AGPAT4: variants seen among roughly 807,000 people sequenced by gnomAD.
AGPAT4 encodes the protein 1-acylglycerol-3-phosphate O-acyltransferase 4.
A neutral mutation model predicts 48.0 loss-of-function variants in AGPAT4; 15 were observed. The observed-to-expected ratio is 0.31, with a 90% CI of 0.21 to 0.48. The LOEUF (loss-of-function observed/expected upper bound fraction) is 0.48. AGPAT4 is among the 20% of genes least tolerant of loss of function. The probability of loss-of-function intolerance (pLI) is 0.99; values close to 1 mark genes in which losing one functional copy is unlikely to be tolerated. For synonymous variants in AGPAT4, 178 were observed against 198.7 expected (o/e 0.90, Z 0.88); for missense variants, 314 against 482.5 (o/e 0.65, Z 3.27).
intron 2 of AGPAT4, among the ~76,000 whole-genome samples, chr6:161,179,950 A>G (rs1459982931): frequency 2.0e-5 from 3 of 152,162 alleles, no homozygotes; most frequent in African/African-American, 4.8e-5. Flanking sequence ...TTTGACTCCA[A>G]AACAAAATAA....
intron 1 of AGPAT4, among the ~76,000 whole-genome samples, chr6:161,241,133 G>C (rs1347098008): frequency 1.3e-5 from 2 of 151,716 alleles, no homozygotes; most frequent in African/African-American, 4.8e-5. Context: ...CGTGGTGGCA[G>C]GCACCTGTAA....
rs1779820046 is a variant in AGPAT4 at position 161,158,349 on chromosome 6, A to G, written c.349-4039T>C. 6.6e-6 allele frequency among the ~76,000 whole-genome samples: 1 copy of G among 152,182 alleles called. No individual in the cohort carries two copies. The highest frequency in any genetic ancestry group is 6.5e-5 in the Admixed American group (1 of 15,282). ...GAGAGAATGTACAAGAAAATATACT[A>G]ATTTCATCAATTCTGGATTTATTTC... On this transcript the variant is annotated intron_variant, in intron 3 of 8. Transcript: ENST00000320285. The surrounding 1 kb of genome is among the most constrained non-coding windows in gnomAD (Gnocchi z 5.3).
At position 161,243,695 on chromosome 6, in the gene AGPAT4, G is replaced by C. The variant is rs934607893; in HGVS notation, c.-89-11393C>G. ...AGTCGAAGCCCCTGCCTCTCTCCCG[G>C]GCTGACCGGTCTCCTCCTTCCCTTG... On this transcript the variant is annotated intron_variant, in intron 1 of 8. Transcript: ENST00000320285. This position sits in a 1 kb window ranked among gnomAD's most constrained non-coding sequence, Gnocchi z 4.8. 1.3e-5 allele frequency among the ~76,000 whole-genome samples: 2 copies of C among 152,094 alleles called. No individual in the cohort carries two copies. The highest frequency in any genetic ancestry group is 2.9e-5 in the Non-Finnish European group (2 of 68,014).
At position 161,158,466 on chromosome 6, in the gene AGPAT4, G is replaced by A. The variant is rs1474915; in HGVS notation, c.349-4156C>T. Among the ~76,000 whole-genome samples the A allele has an allele frequency of 0.053, 8,133 of 152,284 alleles. 217 individuals are homozygous for A. The highest frequency in any genetic ancestry group is 0.063 in the Non-Finnish European group (4,278 of 68,020). Reference sequence around the variant, plus strand: ...TATTTAGACAATCTAAAATTTTCACGTGGAGTAAACCACTATGGAGAGAGA... The same window carrying A: ...TATTTAGACAATCTAAAATTTTCACATGGAGTAAACCACTATGGAGAGAGA... On this transcript the variant is annotated intron_variant, in intron 3 of 8. Transcript: ENST00000320285. The surrounding 1 kb of genome is among the most constrained non-coding windows in gnomAD (Gnocchi z 5.3).
At position 161,196,976 on chromosome 6, in the gene AGPAT4, C is replaced by G. The variant is rs528277344; in HGVS notation, c.179-30559G>C. Among the ~76,000 whole-genome samples the G allele has an allele frequency of 6.6e-6, 1 of 152,110 alleles. No homozygotes were observed. Among genetic ancestry groups the G allele is most frequent in the Non-Finnish European group, 1.5e-5 (1 of 68,020 alleles). ...AGGCACTGGGGAAGTCAGCTGTGAA[C>G]AAGAGGCAAAGTCTGTGTCCTCTTG... On this transcript the variant is annotated intron_variant, in intron 2 of 8. Coordinates refer to ENST00000320285, the MANE Select transcript of AGPAT4 (RefSeq NM_020133.3). This position sits in a 1 kb window ranked among gnomAD's most constrained non-coding sequence, Gnocchi z 4.3.
In AGPAT4 at chr6:161,164,167, C is replaced by T. The variant is rs1477270420; in HGVS notation, c.348+2081G>A. On this transcript the variant is annotated intron_variant, in intron 3 of 8. Transcript: ENST00000320285. The surrounding 1 kb of genome is among the most constrained non-coding windows in gnomAD (Gnocchi z 7.4). Reference sequence around the variant, plus strand: ...AAGCCTTTGGGAGCAAAACCCTAAACGGTGCTGAGATTAAATTCCCGCTCC... The same window carrying T: ...AAGCCTTTGGGAGCAAAACCCTAAATGGTGCTGAGATTAAATTCCCGCTCC... Among the ~76,000 whole-genome samples, 5 of 152,172 alleles carry T rather than the reference C, an allele frequency of 3.3e-5. No individual in the cohort carries two copies. The highest frequency in any genetic ancestry group is 7.2e-5 in the African/African-American group (3 of 41,426).
chr6:161,195,371 G>T lies in AGPAT4; in HGVS notation c.179-28954C>A, dbSNP rs1276830490. 6.6e-6 allele frequency among the ~76,000 whole-genome samples: 1 copy of T among 152,130 alleles called. No individual in the cohort carries two copies. Among genetic ancestry groups the T allele is most frequent in the Non-Finnish European group, 1.5e-5 (1 of 68,028 alleles). On this transcript the variant is annotated intron_variant, in intron 2 of 8. Transcript: ENST00000320285. The surrounding 1 kb of genome is among the most constrained non-coding windows in gnomAD (Gnocchi z 5.0). ...ACAAGCACTGCAGGACAACCATTGG[G>T]CGGGTTATAAACACCTTTCATTATA...
chr6:161,267,581 G>C lies in AGPAT4; in HGVS notation c.-90+6357C>G, dbSNP rs1459326573. Among the ~76,000 whole-genome samples the C allele has an allele frequency of 6.6e-6, 1 of 152,018 alleles. No homozygotes were observed. Among genetic ancestry groups the C allele is most frequent in the African/African-American group, 2.4e-5 (1 of 41,380 alleles). On this transcript the variant is annotated intron_variant, in intron 1 of 8. Coordinates refer to ENST00000320285, the MANE Select transcript of AGPAT4 (RefSeq NM_020133.3). This position sits in a 1 kb window ranked among gnomAD's most constrained non-coding sequence, Gnocchi z 5.2. ...ATACACACGCAAAAAAATTAGCCAG[G>C]TGTGGTGGCGCACCCCTATAGTCCC...
At position 161,221,497 on chromosome 6, in the gene AGPAT4, G is replaced by C. The variant is rs943781858; in HGVS notation, c.178+10539C>G. Among the ~76,000 whole-genome samples the C allele has an allele frequency of 1.3e-5, 2 of 152,204 alleles. No homozygotes were observed. Among genetic ancestry groups the C allele is most frequent in the Non-Finnish European group, 2.9e-5 (2 of 68,038 alleles). On this transcript the variant is annotated intron_variant, in intron 2 of 8. Transcript: ENST00000320285. This position sits in a 1 kb window ranked among gnomAD's most constrained non-coding sequence, Gnocchi z 4.5. ...AAAGGAGAAAAAGGGAGAGGAGAGA[G>C]AAATAGATACCATATTAATGTGTCA...
In AGPAT4 at chr6:161,184,513, T is replaced by C. The variant is rs555069074; in HGVS notation, c.179-18096A>G. The stretch of plus-strand genomic sequence containing the variant: ...AACACATCAGTCATCCTTGGCTTAG[T>C]GGTAGGTTCTCGTGATGTTCTGTGT... On this transcript the variant is annotated intron_variant, in intron 2 of 8. Coordinates refer to ENST00000320285, the MANE Select transcript of AGPAT4 (RefSeq NM_020133.3). The surrounding 1 kb of genome is among the most constrained non-coding windows in gnomAD (Gnocchi z 4.8). 4.2e-4 allele frequency among the ~76,000 whole-genome samples: 64 copies of C among 152,084 alleles called. No individual in the cohort carries two copies. The highest frequency in any genetic ancestry group is 1.4e-3 in the African/African-American group (60 of 41,466).
At chr6:161,207,573 CAG>C (rs1781409621) in intron 2 of AGPAT4, among the ~76,000 whole-genome samples, 3 of 152,234 alleles carry the variant, frequency 2.0e-5, no homozygotes, top group Admixed American at 2.0e-4. Flanking sequence ...GAGCCCTAGA[CAG>C]AGATCCCTCC....
In AGPAT4 at chr6:161,201,065, C is replaced by T. The variant is rs13194878; in HGVS notation, c.178+30971G>A. 0.057 allele frequency among the ~76,000 whole-genome samples: 8,632 copies of T among 152,194 alleles called. 361 individuals are homozygous for T. Among genetic ancestry groups the T allele is most frequent in the Non-Finnish European group, 0.077 (5,251 of 68,006 alleles). On this transcript the variant is annotated intron_variant, in intron 2 of 8. Transcript: ENST00000320285. The surrounding 1 kb of genome is among the most constrained non-coding windows in gnomAD (Gnocchi z 6.0). ...CCTGCCACCACGATTACAGCTCAGC[C>T]GAGGAAGTCATCATGAGCCGTGCGG...
rs1323524726 is a variant in AGPAT4 at position 161,238,008 on chromosome 6, T to C, written c.-89-5706A>G. Among the ~76,000 whole-genome samples the C allele has an allele frequency of 7.2e-6, 1 of 139,052 alleles. No individual in the cohort carries two copies. The highest frequency in any genetic ancestry group is 1.5e-5 in the Non-Finnish European group (1 of 65,582). The allele number at this position is 139,052 out of a possible 152,430, so 91.2% of individuals were successfully genotyped here. On this transcript the variant is annotated intron_variant, in intron 1 of 8. Coordinates refer to ENST00000320285, the MANE Select transcript of AGPAT4 (RefSeq NM_020133.3). This position sits in a 1 kb window ranked among gnomAD's most constrained non-coding sequence, Gnocchi z 5.2. Reference sequence around the variant, plus strand: ...ACCAGACAAGAGAAATTCTGAAATGTGCAGGCAACGCGAGACCACCTGGAA... The same window carrying C: ...ACCAGACAAGAGAAATTCTGAAATGCGCAGGCAACGCGAGACCACCTGGAA...
At position 161,262,305 on chromosome 6, in the gene AGPAT4, G is replaced by A. The variant is rs1783126109; in HGVS notation, c.-90+11633C>T. Among the ~76,000 whole-genome samples, 1 of 152,262 alleles carries A rather than the reference G, an allele frequency of 6.6e-6. No individual in the cohort carries two copies. The highest frequency in any genetic ancestry group is 2.1e-4 in the South Asian group (1 of 4,826). On this transcript the variant is annotated intron_variant, in intron 1 of 8. Transcript: ENST00000320285. This position sits in a 1 kb window ranked among gnomAD's most constrained non-coding sequence, Gnocchi z 4.9. ...GATCCTCATGTGCAGGCAATGTTGA[G>A]AACATGGGTTAGACTCTGCTGCCAG...
rs1781131073 is a variant in AGPAT4 at position 161,198,520 on chromosome 6, G to C, written c.179-32103C>G. Among the ~76,000 whole-genome samples the C allele has an allele frequency of 6.6e-6, 1 of 152,250 alleles. No individual in the cohort carries two copies. The highest frequency in any genetic ancestry group is 2.1e-4 in the South Asian group (1 of 4,834). ...AGAAACCTGTCTTACGGCCATGACA[G>C]TGAGAAAAATAAACCAGGTGGCAAA... On this transcript the variant is annotated intron_variant, in intron 2 of 8. Transcript: ENST00000320285. This position sits in a 1 kb window ranked among gnomAD's most constrained non-coding sequence, Gnocchi z 4.3.
chr6:161,219,868 TAGATAGGCAGGC>T lies in AGPAT4; in HGVS notation c.178+12156_178+12167del, dbSNP rs1390286447. Among the ~76,000 whole-genome samples the T allele has an allele frequency of 1.1e-3, 124 of 109,746 alleles. No homozygotes were observed. The highest frequency in any genetic ancestry group is 2.5e-3 in the South Asian group (8 of 3,264). The allele number at this position is 109,746 out of a possible 152,430, so 72.0% of individuals were successfully genotyped here. A position where few individuals can be genotyped will look rare whatever the true frequency, so the allele number is the denominator to read the frequency against. On this transcript the variant is annotated intron_variant, in intron 2 of 8. Coordinates refer to ENST00000320285, the MANE Select transcript of AGPAT4 (RefSeq NM_020133.3). This position sits in a 1 kb window ranked among gnomAD's most constrained non-coding sequence, Gnocchi z 4.9. The stretch of plus-strand genomic sequence containing the variant: ...ATAGATAGATAGATAGATAGATAGA[TAGATAGGCAGGC>T]AGGCAGGCAGGCAGGCAGGCAGGCA...
At position 161,178,487 on chromosome 6, in the gene AGPAT4, A is replaced by G. The variant is rs1780491163; in HGVS notation, c.179-12070T>C. 6.6e-6 allele frequency among the ~76,000 whole-genome samples: 1 copy of G among 152,198 alleles called. No homozygotes were observed. ...TTTGCTAAGACCGTTGGAAAAGCGC[A>G]GTATTAGGGTGGGAGTGAACCAATT... On this transcript the variant is annotated intron_variant, in intron 2 of 8. Coordinates refer to ENST00000320285, the MANE Select transcript of AGPAT4 (RefSeq NM_020133.3). This position sits in a 1 kb window ranked among gnomAD's most constrained non-coding sequence, Gnocchi z 5.1.
intron 1 of AGPAT4, among the ~76,000 whole-genome samples, chr6:161,247,928 G>A (rs902376507): frequency 1.4e-5 from 2 of 140,194 alleles, no homozygotes; most frequent in Non-Finnish European, 3.0e-5. Context: ...GTTGCAGAGA[G>A]CTGAGATTGT....
rs1240794684 is a variant in AGPAT4, at chr6:161,147,661, C to A, written c.768-1062G>T. 6.6e-6 allele frequency among the ~76,000 whole-genome samples: 1 copy of A among 152,180 alleles called. No homozygotes were observed. The highest frequency in any genetic ancestry group is 2.4e-5 in the African/African-American group (1 of 41,446). ...CCCCATAAGCTCCTCCGGAAATATT[C>A]TTTCACCTTTTCTGTTCCTACGCAC... On this transcript the variant is annotated intron_variant, in intron 6 of 8. Coordinates refer to ENST00000320285, the MANE Select transcript of AGPAT4 (RefSeq NM_020133.3). This position sits in a 1 kb window ranked among gnomAD's most constrained non-coding sequence, Gnocchi z 4.8.
Sources: gnomAD v4.1 joint callset for allele counts (sites outside exome capture counted in the v4.1 genomes callset) on GRCh38, gnomAD v4.1.1 for gene constraint, Gnocchi (gnomAD v3.1) non-coding constraint, MANE v1.5 for transcripts, NCBI Gene and HGNC (gene_info 2026-07-23, HGNC 2026-07-21) for gene names.